SEC16A: variants seen among roughly 807,000 people sequenced by gnomAD.
SEC16A encodes the protein protein transport protein Sec16A.
In SEC16A, 110 loss-of-function variants were observed where a neutral mutation model predicts 221.9. The observed-to-expected ratio is 0.50, with a 90% CI of 0.42 to 0.58. SEC16A has a LOEUF of 0.58. SEC16A is among the 20% of genes least tolerant of loss of function. The pLI, the probability that SEC16A is intolerant of heterozygous loss-of-function variation, is 0.00. For synonymous variants in SEC16A, 1,393 were observed against 1,257.7 expected, an observed-to-expected ratio of 1.11 and a Z score of -2.28; for missense variants, 3,165 against 3,097.8, an observed-to-expected ratio of 1.02 and a Z score of -0.52.
At chr9:136,484,294 G>C (rs1378614093), upstream of SEC16A, 18 of 1,015,806 alleles carry the variant, frequency 1.8e-5, no homozygotes, top group Non-Finnish European at 2.1e-5. Flanking sequence ...GCGGAGGGGT[G>C]AGGCGGGTAG....
chr9:136,460,084 T>A lies in SEC16A; in HGVS notation c.5031A>T (p.Thr1677=), dbSNP rs377692242. Residue 1677 remains threonine, a synonymous_variant, in exon 14 of 32, where the codon ACA becomes ACT. Transcript: ENST00000684901. ...NSLPINDPLQ[T]VYQLMSGRMP... is the part of the protein sequence containing the mutation. ...TCCGTCCGGACATGAGCTGGTAGAC[T>A]GTCTGCAGAGGGTCGTTGATTGGGA... is the stretch of plus-strand genomic sequence containing the variant. 4 of 1,607,946 alleles carry A rather than the reference T, an allele frequency of 2.5e-6. No individual in the cohort carries two copies. The highest frequency in any genetic ancestry group is 3.4e-6 in the Non-Finnish European group (4 of 1,177,268).
Position 136,475,633 on chromosome 9 carries a change from C to T in SEC16A, c.1983G>A (p.Gln661=), listed in dbSNP as rs1841521172. ...LPDASPGNLE[Q]PPDNMETLCA... is the part of the protein sequence containing the mutation. ...AGAGGGTCTCCATGTTGTCTGGTGG[C>T]TGCTCCAGGTTGCCAGGGGAAGCAT... The change falls in exon 3 of 32, where the codon CAG becomes CAA. Residue 661 remains glutamine (Q), a synonymous_variant. Transcript: ENST00000684901. This position sits in a 1 kb window ranked among gnomAD's most constrained non-coding sequence, Gnocchi z 5.0. 1 of 1,613,638 alleles carries T rather than the reference C, an allele frequency of 6.2e-7. No homozygotes were observed. The highest frequency in any genetic ancestry group is 8.5e-7 in the Non-Finnish European group (1 of 1,179,864).
intron 20 of SEC16A, among the ~76,000 whole-genome samples, chr9:136,455,072 C>T (rs1256976781): frequency 5.3e-5 from 8 of 152,184 alleles, no homozygotes; most frequent in Admixed American, 2.0e-4. Flanking sequence ...AAGCAGGAGG[C>T]GAGCAGGAAG....
Position 136,462,917 on chromosome 9 carries a change from G to C in SEC16A, c.4863C>G (p.Phe1621Leu), listed in dbSNP as rs1390444226. The change falls in exon 12 of 32, where the codon TTC (phenylalanine) becomes TTG (leucine). Residue 1621 changes from phenylalanine to leucine, a missense_variant. By Grantham distance (22) the Phe-to-Leu change is conservative (BLOSUM62 0). This residue lies in a region of SEC16A where 1,088 missense variants were observed against 1,089.6 expected (regional missense o/e 1.00). Coordinates refer to ENST00000684901, the MANE Select transcript of SEC16A (RefSeq NM_014866.2). ...TACGGCCATACAGCAACAGCTCCCT[G>C]AACCTCTCGGTCTCTCTCTCGAGCG... The part of the protein sequence containing the change: ...ASSLERETER[F>L]RELLLYGRKK... 6.2e-7 allele frequency: 1 copy of C among 1,602,740 alleles called. No individual in the cohort carries two copies. The highest frequency in any genetic ancestry group is 1.7e-5 in the Admixed American group (1 of 60,020).
chr9:136,454,526 G>C (rs997710056), intron 20 of SEC16A, among the ~76,000 whole-genome samples, 199 bp from the exon 21 acceptor site: 2 of 152,196 alleles, frequency 1.3e-5, no homozygotes, highest in African/African-American at 4.8e-5. Context: ...CAGAGTATCC[G>C]CTTCCTTTTC....
chr9:136,441,831 G>A lies in SEC16A; in HGVS notation c.7006-8C>T. On this transcript the variant is annotated splice_polypyrimidine_tract_variant and splice_region_variant and intron_variant, in intron 31 of 31. Coordinates refer to ENST00000684901, the MANE Select transcript of SEC16A (RefSeq NM_014866.2). Reference sequence around the variant, plus strand: ...CCCGGAGGTGGCGCAGGCCTGGAATGAAATCAACAGCATGACCTCTGCATG... The same window carrying A: ...CCCGGAGGTGGCGCAGGCCTGGAATAAAATCAACAGCATGACCTCTGCATG... 1 of 1,612,246 alleles carries A rather than the reference G, an allele frequency of 6.2e-7. No homozygotes were observed. The highest frequency in any genetic ancestry group is 8.5e-7 in the Non-Finnish European group (1 of 1,179,486).
chr9:136,444,943 C>A, intron 30 of SEC16A, 109 bp downstream of exon 30: 1 of 810,996 alleles, frequency 1.2e-6, no homozygotes. Context: ...AGGGAGACAA[C>A]GGGCGAGGTT....
In SEC16A at chr9:136,467,065, C is replaced by T. The variant is rs772546770; in HGVS notation, c.3821G>A (p.Arg1274His). The change falls in exon 6 of 32, where the codon CGT (arginine) becomes CAT (histidine). Residue 1274 changes from arginine to histidine, a missense_variant. Arg to His is a conservative substitution (Grantham distance 29, BLOSUM62 0). Around this residue, in one of 3 missense-constraint regions of SEC16A, gnomAD observed 2,030 missense variants for 1,923.1 expected, o/e 1.06. Coordinates refer to ENST00000684901, the MANE Select transcript of SEC16A (RefSeq NM_014866.2). Reference sequence around the variant, plus strand: ...CCTGACTCTAGCACTGTAGTGGTAACGATCCCAGTGACCTGGATCTGTGAG... The same window carrying T: ...CCTGACTCTAGCACTGTAGTGGTAATGATCCCAGTGACCTGGATCTGTGAG... ...YDYGDPGHWDRYHYSARVRDP... is the reference protein window; with the variant it reads ...YDYGDPGHWDHYHYSARVRDP... 1.9e-5 allele frequency: 31 copies of T among 1,613,650 alleles called. No individual in the cohort carries two copies. In the Admixed American group the frequency reaches 2.5e-4, roughly 13 times the overall value.
At position 136,451,115 on chromosome 9, in the gene SEC16A, C is replaced by G. The variant is rs961749763; in HGVS notation, c.6312+141G>C. 9 of 833,736 alleles carry G rather than the reference C, an allele frequency of 1.1e-5. No homozygotes were observed. The Admixed American group carries it at 2.3e-4, about 21-fold the overall frequency. 51.6% of individuals were successfully genotyped at this position (833,736 alleles called of 1,614,324 possible). A position where few individuals can be genotyped will look rare whatever the true frequency, so the allele number is the denominator to read the frequency against. ...ACAAATACACAGACACCCATCATGC[C>G]GTGTGCACTGTAGACACTCGGCTGT... On this transcript the variant is annotated intron_variant, in intron 23 of 31. Transcript: ENST00000684901.
At position 136,448,339 on chromosome 9, in the gene SEC16A, G is replaced by A. The variant is rs1346081997; in HGVS notation, c.6313-178C>T. 8 of 716,822 alleles carry A rather than the reference G, an allele frequency of 1.1e-5. No homozygotes were observed. The East Asian group carries it at 1.3e-4, about 12-fold the overall frequency. The allele number at this position is 716,822 out of a possible 1,614,324, so 44.4% of individuals were successfully genotyped here. A position where few individuals can be genotyped will look rare whatever the true frequency, so the allele number is the denominator to read the frequency against. On this transcript the variant is annotated intron_variant, in intron 23 of 31. Coordinates refer to ENST00000684901, the MANE Select transcript of SEC16A (RefSeq NM_014866.2). ...CCACAGAGACACCAGGAGGATGGAG[G>A]TGGGGAGCAGATCCACAGAGACACC...
chr9:136,452,217 G>A (rs962188769), intron 22 of SEC16A, among the ~76,000 whole-genome samples: 2 of 151,956 alleles, frequency 1.3e-5, no homozygotes, highest in African/African-American at 2.4e-5. Context: ...GGGAGGCTGA[G>A]GCAGGTGGAT....
At chr9:136,448,576 C>T (rs1837346138) in intron 23 of SEC16A, 3 of 702,142 alleles carry the variant, frequency 4.3e-6, no homozygotes, top group East Asian at 2.7e-5. Flanking sequence ...GGGAGCAGAT[C>T]CATAGAGACA....
chr9:136,445,152 T>C (rs760070216), intron 29 of SEC16A, 41 bp from the exon 30 acceptor site: 4 of 1,542,026 alleles, frequency 2.6e-6, no homozygotes, highest in Middle Eastern at 1.7e-4. Flanking sequence ...CGGACGAAAG[T>C]CAACATGCAC....
intron 31 of SEC16A, 122 bp from the exon 32 acceptor site, chr9:136,441,945 T>G (rs1478146421): frequency 1.2e-6 from 1 of 825,162 alleles, no homozygotes; most frequent in East Asian, 2.7e-5. Flanking sequence ...GCTGACAAGC[T>G]GAAGGCTTCG....
chr9:136,464,355 CT>C (rs1839885817), intron 9 of SEC16A, 64 bp downstream of exon 9: 1 of 1,480,290 alleles, frequency 6.8e-7, no homozygotes, highest in Non-Finnish European at 9.1e-7. Context: ...AGATGACAAA[CT>C]GCAAAGCAGA....
At chr9:136,484,540 T>A, upstream of SEC16A, 1 of 1,297,666 alleles carries the variant, frequency 7.7e-7, no homozygotes, top group Non-Finnish European at 1.0e-6. Context: ...GCAGGCGCCG[T>A]GGTGGGGGTG....
intron 10 of SEC16A, 24 bp downstream of exon 10, chr9:136,463,655 G>T: frequency 6.2e-7 from 1 of 1,613,576 alleles, no homozygotes; most frequent in Non-Finnish European, 8.5e-7. Flanking sequence ...GGCTCACAAA[G>T]AAATGCCTCA....
At chr9:136,461,110 G>A in intron 13 of SEC16A, 67 bp downstream of exon 13, 4 of 1,250,604 alleles carry the variant, frequency 3.2e-6, no homozygotes, top group South Asian at 1.3e-5. Context: ...CCCCCAGGGT[G>A]CGGACGCCGC....
chr9:136,483,758 G>T (rs1370835595), upstream of SEC16A: 22 of 985,320 alleles, frequency 2.2e-5, no homozygotes, highest in South Asian at 7.0e-4. Context: ...CGCGCTCCTC[G>T]CATTCTTCCG....
Sources: allele counts gnomAD v4.1 joint callset (sites outside exome capture counted in the v4.1 genomes callset), GRCh38; gene constraint gnomAD v4.1.1; regional missense constraint gnomAD v4.1.1; non-coding constraint Gnocchi (gnomAD v3.1); transcripts MANE v1.5; gene names NCBI Gene and HGNC (gene_info 2026-07-23, HGNC 2026-07-21).